The following PIK3C3 variants were observed in gnomAD, a reference collection of about 807,000 sequenced individuals.
PIK3C3 encodes the protein phosphatidylinositol 3-kinase catalytic subunit type 3, also known as PI3-kinase type 3.
Under a neutral mutation model 126.1 loss-of-function variants are expected in PIK3C3, and 95 were observed. That is an observed-to-expected ratio of 0.75 (90% CI 0.64 to 0.89). The LOEUF (loss-of-function observed/expected upper bound fraction) is 0.89. Among genes scored for constraint, PIK3C3 ranks in the 40% least tolerant of loss-of-function variants. The pLI is 0.00. For synonymous variants in PIK3C3, 374 were observed against 360.0 expected, an observed-to-expected ratio of 1.04 and a Z score of -0.44; for missense variants, 829 against 1,063.2, an observed-to-expected ratio of 0.78 and a Z score of 3.06.
chr18:42,071,848 G>T (rs77814091), intron 24 of PIK3C3, among the ~76,000 whole-genome samples: 1 of 151,962 alleles, frequency 6.6e-6, no homozygotes, highest in Non-Finnish European at 1.5e-5. Flanking sequence ...AAAAATGTTT[G>T]TGATATTTCT....
At position 42,049,605 on chromosome 18, in the gene PIK3C3, G is replaced by A. The variant is rs1984705044; in HGVS notation, c.2263G>A (p.Gly755Ser). The part of the protein sequence containing the change: ...HLDNLLLTKT[G>S]KLFHIDFGYI... Reference sequence around the variant, plus strand: ...GGATAACCTTTTGCTAACAAAAACAGGTAACAATTAATGACTACCAGTAGA... The same window carrying A: ...GGATAACCTTTTGCTAACAAAAACAAGTAACAATTAATGACTACCAGTAGA... The change falls in exon 21 of 25, where the codon GGC (glycine) becomes AGC (serine). Residue 755 changes from glycine (G) to serine (S), a missense_variant and splice_region_variant. This residue lies in a region of PIK3C3 where 196 missense variants were observed against 312.8 expected (regional missense o/e 0.63). Transcript: ENST00000262039. 3 of 1,605,410 alleles carry A rather than the reference G, an allele frequency of 1.9e-6. No individual in the cohort carries two copies. Among genetic ancestry groups the A allele is most frequent in the Non-Finnish European group, 2.6e-6 (3 of 1,172,202 alleles).
In PIK3C3 at chr18:42,083,759, A is replaced by T. The variant is rs1353638787; in HGVS notation, c.*2622A>T. 1 of 152,190 alleles carries T rather than the reference A, an allele frequency of 6.6e-6. No homozygotes were observed. The highest frequency in any genetic ancestry group is 2.4e-5 in the African/African-American group (1 of 41,460). 9.4% of individuals were successfully genotyped at this position (152,190 alleles called of 1,614,324 possible). A position where few individuals can be genotyped will look rare whatever the true frequency, so the allele number is the denominator to read the frequency against. ...GTTGAAATAACTGAAGTTTAAAGCAATTGAATCATCTGCCCAAGGATAAGC... is the reference window on the plus strand; with the variant it reads ...GTTGAAATAACTGAAGTTTAAAGCATTTGAATCATCTGCCCAAGGATAAGC... On this transcript the variant is annotated 3_prime_UTR_variant, in exon 25 of 25. Transcript: ENST00000262039.
intron 4 of PIK3C3, chr18:41,971,129 G>A (rs148414601): frequency 5.9e-5 from 9 of 152,966 alleles, no homozygotes; most frequent in African/African-American, 2.2e-4. Context: ...TAATTGCAAC[G>A]CTGTCATTTA....
chr18:42,062,844 T>G (rs557788304), intron 22 of PIK3C3, among the ~76,000 whole-genome samples: 2 of 152,272 alleles, frequency 1.3e-5, no homozygotes, highest in South Asian at 4.1e-4. Flanking sequence ...CCTATCTTGG[T>G]GAATAACACT....
At chr18:41,958,762 C>T (rs1979926473) in intron 2 of PIK3C3, among the ~76,000 whole-genome samples, 1 of 151,716 alleles carries the variant, frequency 6.6e-6, no homozygotes, top group Non-Finnish European at 1.5e-5. Flanking sequence ...TACACACACA[C>T]ATAAAAAATA....
rs1983389711 is a variant in PIK3C3, at chr18:42,022,890, T to G, written c.1484+2185T>G. On this transcript the variant is annotated intron_variant, in intron 13 of 24. Coordinates refer to ENST00000262039, the MANE Select transcript of PIK3C3 (RefSeq NM_002647.4). ...TTTAAATGCCACCTTTTACCTCTAA[T>G]GTTCTCTGTGTTCCAATCTGAATAT... 3.3e-5 allele frequency among the ~76,000 whole-genome samples: 5 copies of G among 152,180 alleles called. No homozygotes were observed. The South Asian group carries it at 1.0e-3, about 32-fold the overall frequency.
intron 19 of PIK3C3, among the ~76,000 whole-genome samples, chr18:42,041,328 A>G (rs1008262267): frequency 1.3e-4 from 20 of 152,264 alleles, no homozygotes; most frequent in African/African-American, 4.8e-4. Flanking sequence ...CTTTATTTCC[A>G]GTTTTTGTTA....
At chr18:42,036,107 C>T (rs1228991959) in intron 16 of PIK3C3, among the ~76,000 whole-genome samples, 1 of 152,066 alleles carries the variant, frequency 6.6e-6, no homozygotes, top group African/African-American at 2.4e-5. Context: ...TATAAAATAA[C>T]ATTTTCAAAT....
chr18:41,963,245 C>T (rs1598847163), intron 3 of PIK3C3, among the ~76,000 whole-genome samples: 1 of 152,298 alleles, frequency 6.6e-6, no homozygotes, highest in Middle Eastern at 3.4e-3. Flanking sequence ...GGTCCTTCAT[C>T]AAGTATTTAC....
At chr18:41,960,456 A>G (rs761494009) in intron 2 of PIK3C3, among the ~76,000 whole-genome samples, 2 of 152,198 alleles carry the variant, frequency 1.3e-5, no homozygotes, top group Non-Finnish European at 2.9e-5. Context: ...AAGTATTTTA[A>G]TCAGATTCGA....
At chr18:42,016,988 GAT>G (rs1198067846) in intron 12 of PIK3C3, among the ~76,000 whole-genome samples, 2 of 152,048 alleles carry the variant, frequency 1.3e-5, no homozygotes, top group African/African-American at 4.8e-5. Context: ...ATATATTTCT[GAT>G]ATTTCTCTTG....
chr18:41,990,254 CT>C (rs754807246), intron 5 of PIK3C3, among the ~76,000 whole-genome samples: 2 of 152,074 alleles, frequency 1.3e-5, no homozygotes, highest in African/African-American at 2.4e-5. Context: ...GTAGACACTA[CT>C]GAATAAACAG....
intron 4 of PIK3C3, among the ~76,000 whole-genome samples, chr18:41,971,994 G>A (rs1258397907): frequency 6.6e-6 from 1 of 151,958 alleles, no homozygotes; most frequent in Non-Finnish European, 1.5e-5. Flanking sequence ...TTGATGGAAG[G>A]TTTAAAAAAT....
At chr18:41,958,652 G>A (rs895891044) in intron 2 of PIK3C3, among the ~76,000 whole-genome samples, 1 of 152,004 alleles carries the variant, frequency 6.6e-6, no homozygotes, top group Non-Finnish European at 1.5e-5. Context: ...ATATCTGTCT[G>A]TCTGTCTGTC....
chr18:42,082,488 TAAG>T lies in PIK3C3; in HGVS notation c.*1353_*1355del, dbSNP rs1184746015. 3.9e-5 allele frequency: 6 copies of T among 152,220 alleles called. No homozygotes were observed. Among genetic ancestry groups the T allele is most frequent in the African/African-American group, 1.4e-4 (6 of 41,454 alleles). The allele number at this position is 152,220 out of a possible 1,614,324, so 9.4% of individuals were successfully genotyped here. A position where few individuals can be genotyped will look rare whatever the true frequency, so the allele number is the denominator to read the frequency against. On this transcript the variant is annotated 3_prime_UTR_variant, in exon 25 of 25. Transcript: ENST00000262039. ...ATGAAAATACCTTTGTACATCATCT[TAAG>T]AGAGCTTATATATAAACTAAATGGG...
intron 2 of PIK3C3, among the ~76,000 whole-genome samples, chr18:41,959,404 T>G (rs1979962382): frequency 6.6e-6 from 1 of 152,242 alleles, no homozygotes. Flanking sequence ...GTTGAATTTT[T>G]AACGTTTGTA....
intron 4 of PIK3C3, among the ~76,000 whole-genome samples, chr18:41,974,572 C>G (rs1282588723): frequency 7.0e-6 from 1 of 143,760 alleles, no homozygotes; most frequent in Non-Finnish European, 1.5e-5. Flanking sequence ...GCCCCATTTT[C>G]TTCTTTTTCC....
In PIK3C3 at chr18:42,029,534, A is replaced by ATT. The variant is rs57593886; in HGVS notation, c.1707+120_1707+121dup. The ATT allele has an allele frequency of 5.4e-3, 1,150 of 211,910 alleles. 6 individuals are homozygous for ATT. The highest frequency in any genetic ancestry group is 6.9e-3 in the South Asian group (169 of 24,572). The allele number at this position is 211,910 out of a possible 1,614,324, so 13.1% of individuals were successfully genotyped here. ...ATTGTCTTTTTGGGTTGATACGTGA[A>ATT]TTTTTTTTTTTTTTTTTTTTTTTTT... On this transcript the variant is annotated intron_variant, in intron 15 of 24. Coordinates refer to ENST00000262039, the MANE Select transcript of PIK3C3 (RefSeq NM_002647.4).
At position 42,067,370 on chromosome 18, in the gene PIK3C3, A is replaced by G. The variant is rs751070368; in HGVS notation, c.2524-18A>G. The G allele has an allele frequency of 3.1e-6, 5 of 1,613,158 alleles. No homozygotes were observed. The highest frequency in any genetic ancestry group is 1.6e-4 in the Middle Eastern group (1 of 6,074). On this transcript the variant is annotated intron_variant, in intron 23 of 24. Transcript: ENST00000262039. ...CCTATTTTTCTTCGTTGTAAAGACTAAGAGTGTTATCTTATAGGTTCAGGA... is the reference window on the plus strand; with the variant it reads ...CCTATTTTTCTTCGTTGTAAAGACTGAGAGTGTTATCTTATAGGTTCAGGA...
Sources: allele counts gnomAD v4.1 joint callset (sites outside exome capture counted in the v4.1 genomes callset), GRCh38; gene constraint gnomAD v4.1.1; regional missense constraint gnomAD v4.1.1; transcripts MANE v1.5; gene names NCBI Gene and HGNC (gene_info 2026-07-23, HGNC 2026-07-21).